Variants in RBFOX1 observed in about 807,000 individuals in gnomAD.
RBFOX1 encodes RNA binding protein fox-1 homolog 1.
RBFOX1 carries 8 observed loss-of-function variants against 57.7 expected under a neutral mutation model. That is an observed-to-expected ratio of 0.14 (90% CI 0.08 to 0.25). The LOEUF (loss-of-function observed/expected upper bound fraction) is 0.25, where lower values mean the gene tolerates loss of function less well. Among genes scored for constraint, RBFOX1 ranks in the 10% least tolerant of loss-of-function variants. The pLI is 1.00. For synonymous variants in RBFOX1, 326 were observed against 222.4 expected (o/e 1.47, Z -4.15); for missense variants, 611 against 548.5 (o/e 1.11, Z -1.14).
intron 3 of RBFOX1, among the ~76,000 whole-genome samples, chr16:6,866,070 G>T (rs146663000): frequency 2.6e-3 from 399 of 152,160 alleles, no homozygotes; most frequent in African/African-American, 9.0e-3. Context: ...GATTGAAATA[G>T]AAGCCAAAAG....
At chr16:6,942,944 T>A (rs908696048) in intron 3 of RBFOX1, among the ~76,000 whole-genome samples, 1 of 152,166 alleles carries the variant, frequency 6.6e-6, no homozygotes, top group Non-Finnish European at 1.5e-5. Flanking sequence ...AGATTCGACA[T>A]CACCATGTGC....
rs546789762 is a variant in RBFOX1, at chr16:6,220,955, T to G, written c.-126-96040T>G. 3.1e-4 allele frequency among the ~76,000 whole-genome samples: 47 copies of G among 152,038 alleles called. 1 individual carries two copies. In the South Asian group the frequency reaches 9.1e-3, roughly 29 times the overall value. Reference sequence around the variant, plus strand: ...TTGTAATGGCTATCAAATACTTCACTCTGTGTGTGTGTGTGTATGTGTGTG... The same window carrying G: ...TTGTAATGGCTATCAAATACTTCACGCTGTGTGTGTGTGTGTATGTGTGTG... On this transcript the variant is annotated intron_variant, in intron 1 of 15. Coordinates refer to ENST00000550418, the MANE Select transcript of RBFOX1 (RefSeq NM_018723.4).
intron 14 of RBFOX1, among the ~76,000 whole-genome samples, chr16:7,704,866 C>A (rs2081937659): frequency 6.6e-6 from 1 of 151,834 alleles, no homozygotes. Flanking sequence ...GCCTGGGCAA[C>A]ATGGTGAAAT....
intron 1 of RBFOX1, among the ~76,000 whole-genome samples, chr16:5,337,194 T>G (rs996303924): frequency 6.6e-6 from 1 of 152,234 alleles, no homozygotes; most frequent in Non-Finnish European, 1.5e-5. Flanking sequence ...ACTGTGGTTT[T>G]GGCTTTGTGG....
intron 1 of RBFOX1, among the ~76,000 whole-genome samples, chr16:5,401,666 C>T (rs1422676401): frequency 6.6e-6 from 1 of 152,100 alleles, no homozygotes; most frequent in Non-Finnish European, 1.5e-5. Flanking sequence ...CATATTTAAT[C>T]TTTCCATCCA....
At chr16:7,589,243 T>C (rs951336017) in intron 7 of RBFOX1, among the ~76,000 whole-genome samples, 3 of 152,232 alleles carry the variant, frequency 2.0e-5, no homozygotes, top group African/African-American at 4.8e-5. Context: ...GTGTTGTTGT[T>C]GTTGTTTTTT....
intron 3 of RBFOX1, among the ~76,000 whole-genome samples, chr16:5,681,391 T>C (rs1206857973): frequency 7.3e-6 from 1 of 137,764 alleles, no homozygotes; most frequent in Non-Finnish European, 1.5e-5. Context: ...GCTTTTTTCT[T>C]TTTTTTTTTT....
intron 2 of RBFOX1, among the ~76,000 whole-genome samples, chr16:6,546,239 T>A (rs934412754): frequency 6.6e-6 from 1 of 152,172 alleles, no homozygotes; most frequent in Non-Finnish European, 1.5e-5. Context: ...GAGCAAGCAT[T>A]TTCATGGCAC....
At chr16:6,704,032 C>T (rs1388225491) in intron 3 of RBFOX1, 1 of 152,382 alleles carries the variant, frequency 6.6e-6, no homozygotes, top group African/African-American at 2.4e-5. Flanking sequence ...CCTTGCTCTC[C>T]ATCTAATTCC....
At chr16:6,159,973 C>G (rs976692771) in intron 1 of RBFOX1, among the ~76,000 whole-genome samples, 1 of 152,132 alleles carries the variant, frequency 6.6e-6, no homozygotes, top group Non-Finnish European at 1.5e-5. Context: ...CCTAAGGGAA[C>G]CTGAGACTTA....
chr16:7,081,885 C>T (rs2059257920), intron 4 of RBFOX1, among the ~76,000 whole-genome samples: 2 of 152,140 alleles, frequency 1.3e-5, no homozygotes, highest in African/African-American at 2.4e-5. Context: ...ATAAATATTC[C>T]TTCCAGGCAG....
intron 4 of RBFOX1, among the ~76,000 whole-genome samples, chr16:7,198,492 G>A (rs573746649): frequency 2.6e-5 from 4 of 152,296 alleles, no homozygotes; most frequent in Non-Finnish European, 5.9e-5. Flanking sequence ...AAGACAGAGT[G>A]TTTTAGTTTG....
At position 6,916,911 on chromosome 16, in the gene RBFOX1, A is replaced by G. The variant is rs188345823; in HGVS notation, c.-15-135146A>G. On this transcript the variant is annotated intron_variant, in intron 3 of 15. Transcript: ENST00000550418. Reference sequence around the variant, plus strand: ...GTTGCCCAGGCTAGAGTGCAGTGACATAATCTCGGCTCACTGCAACCTCCA... The same window carrying G: ...GTTGCCCAGGCTAGAGTGCAGTGACGTAATCTCGGCTCACTGCAACCTCCA... Among the ~76,000 whole-genome samples, 410 of 152,268 alleles carry G rather than the reference A, an allele frequency of 2.7e-3. 2 individuals carry two copies. The highest frequency in any genetic ancestry group is 9.1e-3 in the African/African-American group (380 of 41,558).
chr16:6,573,981 C>T (rs920848832), intron 2 of RBFOX1: 16 of 152,312 alleles, frequency 1.1e-4, no homozygotes, highest in African/African-American at 3.9e-4. Context: ...TTGCTTCTAA[C>T]AGACATCCTC....
intron 1 of RBFOX1, chr16:5,289,468 A>T (rs2063482561): frequency 4.6e-6 from 1 of 219,068 alleles, no homozygotes; most frequent in Non-Finnish European, 9.2e-6. Context: ...ATATAAAAAG[A>T]AAGCAAAGTA....
chr16:6,811,156 A>T (rs1057235550), intron 3 of RBFOX1, among the ~76,000 whole-genome samples: 1 of 152,218 alleles, frequency 6.6e-6, no homozygotes, highest in African/African-American at 2.4e-5. Context: ...CCAATTCTGA[A>T]GGAAGAATTA....
intron 1 of RBFOX1, among the ~76,000 whole-genome samples, chr16:6,113,577 C>T (rs1018797943): frequency 1.3e-5 from 2 of 152,124 alleles, no homozygotes; most frequent in Non-Finnish European, 2.9e-5. Flanking sequence ...GCAGAAATTG[C>T]CTGTCTCCGC....
chr16:6,912,813 T>TTGTCTTAAAAACACAGTCTAG (rs1221589746), intron 3 of RBFOX1, among the ~76,000 whole-genome samples: 1 of 151,898 alleles, frequency 6.6e-6, no homozygotes, highest in East Asian at 1.9e-4. Flanking sequence ...ACAGACTTTG[T>TTGTCTTAAAAACACAGTCTAG]CCCACTGTGT....
intron 2 of RBFOX1, among the ~76,000 whole-genome samples, chr16:5,480,136 G>A (rs113152820): frequency 1.3e-5 from 2 of 152,204 alleles, no homozygotes; most frequent in African/African-American, 4.8e-5. Flanking sequence ...AGCTATCTCA[G>A]ATTCACAGAA....
Sources: allele counts gnomAD v4.1 joint callset (sites outside exome capture counted in the v4.1 genomes callset), GRCh38; gene constraint gnomAD v4.1.1; transcripts MANE v1.5; gene names NCBI Gene and HGNC (gene_info 2026-07-23, HGNC 2026-07-21).